Variants in ZFPM2 observed in about 807,000 individuals in gnomAD.
The protein encoded by ZFPM2 is zinc finger protein, FOG family member 2.
In ZFPM2, 20 loss-of-function variants were observed where a neutral mutation model predicts 98.6. The observed-to-expected ratio is 0.20, with a 90% CI of 0.14 to 0.29. ZFPM2 has a LOEUF of 0.29. ZFPM2 is among the 10% of genes least tolerant of loss of function. The pLI is 1.00. For missense variants in ZFPM2, 1,310 were observed against 1,388.6 expected (o/e 0.94, Z 0.90); for synonymous variants, 518 against 502.7 (o/e 1.03, Z -0.41).
At chr8:105,377,308 GTTTA>G (rs763436050) in intron 1 of ZFPM2, among the ~76,000 whole-genome samples, 2 of 152,104 alleles carry the variant, frequency 1.3e-5, no homozygotes, top group South Asian at 2.1e-4. Context: ...TGTTTATGCA[GTTTA>G]TTTATCTATT....
intron 1 of ZFPM2, among the ~76,000 whole-genome samples, chr8:105,411,721 G>C (rs1041901161): frequency 6.6e-5 from 10 of 151,758 alleles, no homozygotes; most frequent in African/African-American, 1.9e-4. Flanking sequence ...TCTGGACTGA[G>C]ACCTGATTAC....
intron 5 of ZFPM2, among the ~76,000 whole-genome samples, chr8:105,689,018 A>G (rs374056757): frequency 1.3e-5 from 2 of 152,140 alleles, no homozygotes; most frequent in Non-Finnish European, 2.9e-5. Flanking sequence ...TCCATCCTTC[A>G]TATTGGTGAG....
intron 3 of ZFPM2, among the ~76,000 whole-genome samples, chr8:105,483,754 T>C (rs1813171557): frequency 7.5e-6 from 1 of 133,030 alleles, no homozygotes; most frequent in African/African-American, 3.5e-5. Context: ...TTTTCTTTTC[T>C]TTTTTTTTTT....
chr8:105,729,367 T>A (rs1811879661), intron 5 of ZFPM2, among the ~76,000 whole-genome samples: 1 of 151,676 alleles, frequency 6.6e-6, no homozygotes, highest in South Asian at 2.1e-4. Flanking sequence ...GATTTCATTG[T>A]CATTGTTGTG....
At chr8:105,400,019 C>A (rs1285421234) in intron 1 of ZFPM2, among the ~76,000 whole-genome samples, 2 of 152,230 alleles carry the variant, frequency 1.3e-5, no homozygotes, top group East Asian at 3.9e-4. Context: ...CCGCTCGTCT[C>A]GGCCTCCCAA....
chr8:105,544,370 T>G (rs1433910282), intron 3 of ZFPM2, among the ~76,000 whole-genome samples: 1 of 152,170 alleles, frequency 6.6e-6, no homozygotes, highest in African/African-American at 2.4e-5. Context: ...TACCCTCCCC[T>G]AATGATGTTG....
intron 3 of ZFPM2, among the ~76,000 whole-genome samples, chr8:105,489,200 A>C (rs1226263399): frequency 2.6e-5 from 4 of 151,940 alleles, no homozygotes; most frequent in Non-Finnish European, 5.9e-5. Context: ...GTGTCACCGC[A>C]TAGTCATATT....
intron 5 of ZFPM2, among the ~76,000 whole-genome samples, chr8:105,763,312 A>G (rs1812777597): frequency 6.6e-6 from 1 of 151,782 alleles, no homozygotes; most frequent in Non-Finnish European, 1.5e-5. Context: ...ATACAGGACC[A>G]ATCTCCTTCC....
At chr8:105,527,064 C>T (rs1814189893) in intron 3 of ZFPM2, among the ~76,000 whole-genome samples, 1 of 152,078 alleles carries the variant, frequency 6.6e-6, no homozygotes, top group South Asian at 2.1e-4. Context: ...TTGCATAGAA[C>T]AGTGCCCTAG....
chr8:105,728,385 C>T (rs1354026130), intron 5 of ZFPM2, among the ~76,000 whole-genome samples: 6 of 151,782 alleles, frequency 4.0e-5, no homozygotes, highest in Non-Finnish European at 7.4e-5. Context: ...AAAGTTAGCT[C>T]TAGCACTATT....
chr8:105,476,610 T>G (rs762002287), intron 3 of ZFPM2, among the ~76,000 whole-genome samples: 1 of 152,146 alleles, frequency 6.6e-6, no homozygotes, highest in Non-Finnish European at 1.5e-5. Flanking sequence ...AATCTTCTCT[T>G]AATTGAATGG....
intron 4 of ZFPM2, among the ~76,000 whole-genome samples, chr8:105,571,069 CTA>C (rs1460987761): frequency 6.6e-6 from 1 of 152,166 alleles, no homozygotes; most frequent in African/African-American, 2.4e-5. Flanking sequence ...CTGATCCACT[CTA>C]TGTGTGTAAA....
intron 3 of ZFPM2, among the ~76,000 whole-genome samples, chr8:105,548,470 G>GT (rs757334248): frequency 8.8e-4 from 133 of 150,482 alleles, no homozygotes; most frequent in South Asian, 3.0e-3. Flanking sequence ...TCTTAAAACT[G>GT]TTTTTTTTTA....
At position 105,570,969 on chromosome 8, in the gene ZFPM2, G is replaced by C. The variant is rs1815341738; in HGVS notation, c.420+9488G>C. On this transcript the variant is annotated intron_variant, in intron 4 of 7. Coordinates refer to ENST00000407775, the MANE Select transcript of ZFPM2 (RefSeq NM_012082.4). ...TCCAAGGAGAACTTTTGTTGAAGAT[G>C]ATCTTTTCAGTTATTAGGACGATTA... Among the ~76,000 whole-genome samples, 3 of 152,110 alleles carry C rather than the reference G, an allele frequency of 2.0e-5. No homozygotes were observed. In the South Asian group the frequency reaches 6.2e-4, roughly 32 times the overall value.
intron 3 of ZFPM2, among the ~76,000 whole-genome samples, chr8:105,468,938 T>G (rs1258544125): frequency 6.6e-6 from 1 of 152,170 alleles, no homozygotes; most frequent in East Asian, 1.9e-4. Flanking sequence ...TGCTTTATTT[T>G]TAACTACTCT....
intron 1 of ZFPM2, among the ~76,000 whole-genome samples, chr8:105,321,520 CTA>C (rs1452395807): frequency 1.3e-5 from 2 of 151,978 alleles, no homozygotes; most frequent in Non-Finnish European, 2.9e-5. Context: ...TTTGAAGCAA[CTA>C]TGACAAGCAA....
At chr8:105,731,761 G>T (rs996035377) in intron 5 of ZFPM2, among the ~76,000 whole-genome samples, 1 of 151,682 alleles carries the variant, frequency 6.6e-6, no homozygotes, top group African/African-American at 2.4e-5. Context: ...TTAATGTCCA[G>T]ATTTTAAAAA....
At chr8:105,458,347 A>G (rs1308097384) in intron 3 of ZFPM2, among the ~76,000 whole-genome samples, 1 of 152,218 alleles carries the variant, frequency 6.6e-6, no homozygotes, top group East Asian at 1.9e-4. Context: ...TTTTGTTTTC[A>G]TGGCAGAGAA....
rs1336296437 is a variant in ZFPM2, at chr8:105,801,849, A to G, written c.1767A>G (p.Glu589=). The G allele has an allele frequency of 3.1e-6, 5 of 1,613,978 alleles. No homozygotes were observed. The highest frequency in any genetic ancestry group is 4.2e-6 in the Non-Finnish European group (5 of 1,179,882). The change falls in exon 8 of 8, where the codon GAA becomes GAG. Residue 589 remains glutamate (E), a synonymous_variant. Transcript: ENST00000407775. ...CCCCAGAGTTCCCTAGTGTGTCAGA[A>G]AAGATGCCTGAAGCTTTGAGTCCCA... The part of the protein sequence containing the change: ...AKSPEFPSVS[E]KMPEALSPNT...
Sources: allele counts gnomAD v4.1 joint callset (sites outside exome capture counted in the v4.1 genomes callset), GRCh38; gene constraint gnomAD v4.1.1; transcripts MANE v1.5; gene names NCBI Gene and HGNC (gene_info 2026-07-23, HGNC 2026-07-21).